MNAT1: variants seen among roughly 807,000 people sequenced by gnomAD.
The protein encoded by MNAT1 is MNAT1 component of CDK activating kinase.
A neutral mutation model predicts 42.0 loss-of-function variants in MNAT1; 43 were observed. The observed-to-expected ratio is 1.02, with a 90% confidence interval of 0.80 to 1.32. The LOEUF (loss-of-function observed/expected upper bound fraction) is 1.32. MNAT1 is among the 40% of genes most tolerant of loss of function. The probability of loss-of-function intolerance (pLI) is 0.00; values close to 1 mark genes in which losing one functional copy is unlikely to be tolerated. For synonymous variants in MNAT1, 118 were observed against 120.0 expected, an observed-to-expected ratio of 0.98 and a Z score of 0.11; for missense variants, 306 against 350.4, an observed-to-expected ratio of 0.87 and a Z score of 1.01.
intron 7 of MNAT1, among the ~76,000 whole-genome samples, chr14:60,896,644 C>G (rs2034962212): frequency 6.6e-6 from 1 of 152,054 alleles, no homozygotes; most frequent in South Asian, 2.1e-4. Context: ...CACCACCATG[C>G]CTGTCTAATT....
chr14:60,798,730 T>G (rs1180698120), intron 3 of MNAT1, among the ~76,000 whole-genome samples: 1 of 152,190 alleles, frequency 6.6e-6, no homozygotes, highest in African/African-American at 2.4e-5. Context: ...ATTTCAGTTT[T>G]CTTAAATAAA....
chr14:60,867,041 T>G (rs2034217819), intron 6 of MNAT1, among the ~76,000 whole-genome samples: 1 of 152,100 alleles, frequency 6.6e-6, no homozygotes, highest in Middle Eastern at 3.2e-3. Flanking sequence ...TTCACTGTAG[T>G]AAACAGATTT....
chr14:60,929,160 A>T (rs1361797943), intron 7 of MNAT1, among the ~76,000 whole-genome samples: 20 of 128,436 alleles, frequency 1.6e-4, no homozygotes, highest in South Asian at 4.8e-4. Flanking sequence ...AAAAAAAAAA[A>T]AAAAAAAAAA....
At chr14:60,841,694 G>C (rs1286270260) in intron 6 of MNAT1, among the ~76,000 whole-genome samples, 1 of 151,772 alleles carries the variant, frequency 6.6e-6, no homozygotes, top group African/African-American at 2.4e-5. Flanking sequence ...GGTAATTTTT[G>C]GTATTCCATT....
intron 7 of MNAT1, among the ~76,000 whole-genome samples, chr14:60,958,263 C>T (rs912321275): frequency 6.6e-6 from 1 of 152,186 alleles, no homozygotes; most frequent in Admixed American, 6.5e-5. Flanking sequence ...AAGTCTTTGT[C>T]CCTCATTGGT....
At chr14:60,772,877 G>A (rs1026539387) in intron 1 of MNAT1, among the ~76,000 whole-genome samples, 3 of 151,090 alleles carry the variant, frequency 2.0e-5, no homozygotes, top group Admixed American at 2.0e-4. Flanking sequence ...GGAAGGCAAA[G>A]TCCAAGAGCT....
At chr14:60,765,613 C>T (rs1190947380) in intron 1 of MNAT1, among the ~76,000 whole-genome samples, 1 of 152,116 alleles carries the variant, frequency 6.6e-6, no homozygotes, top group Non-Finnish European at 1.5e-5. Flanking sequence ...AGCTGTATAA[C>T]ACACACAAAA....
At position 60,877,551 on chromosome 14, in the gene MNAT1, G is replaced by A. The variant is rs569704175; in HGVS notation, c.688-2163G>A. 2.0e-5 allele frequency among the ~76,000 whole-genome samples: 3 copies of A among 151,988 alleles called. No homozygotes were observed. In the East Asian group the frequency reaches 5.8e-4, roughly 29 times the overall value. On this transcript the variant is annotated intron_variant, in intron 6 of 7. Transcript: ENST00000261245. Reference sequence around the variant, plus strand: ...GGGAAAAAGGAAACTAAGGGATGTAGCAACAAAAAAATTTATAAACTAGAA... The same window carrying A: ...GGGAAAAAGGAAACTAAGGGATGTAACAACAAAAAAATTTATAAACTAGAA...
intron 7 of MNAT1, among the ~76,000 whole-genome samples, chr14:60,913,600 C>T (rs1020035184): frequency 2.0e-5 from 3 of 152,052 alleles, no homozygotes; most frequent in Non-Finnish European, 4.4e-5. Context: ...CACTCCAGAC[C>T]CGGTTTGCCT....
At chr14:60,818,696 T>G (rs748746521) in intron 5 of MNAT1, 26 bp from the exon 6 acceptor site, 2 of 1,515,500 alleles carry the variant, frequency 1.3e-6, no homozygotes, top group Non-Finnish European at 1.8e-6. Flanking sequence ...TTTACATTTC[T>G]TATTGAACTT....
intron 7 of MNAT1, among the ~76,000 whole-genome samples, chr14:60,890,439 T>C (rs2034811831): frequency 6.6e-6 from 1 of 152,196 alleles, no homozygotes; most frequent in Non-Finnish European, 1.5e-5. Flanking sequence ...GGGACAGAAC[T>C]AATAGATAGA....
At chr14:60,819,572 A>G (rs1279511692) in intron 6 of MNAT1, among the ~76,000 whole-genome samples, 1 of 152,152 alleles carries the variant, frequency 6.6e-6, no homozygotes, top group Non-Finnish European at 1.5e-5. Context: ...GAGGTGATGG[A>G]TATCTCAATT....
At chr14:60,818,665 T>G in intron 5 of MNAT1, 57 bp from the exon 6 acceptor site, 1 of 1,430,042 alleles carries the variant, frequency 7.0e-7, no homozygotes, top group Non-Finnish European at 9.4e-7. Context: ...ATAAAAGTCT[T>G]GTTGTTTTTA....
chr14:60,852,411 A>G (rs1011353428), intron 6 of MNAT1, among the ~76,000 whole-genome samples: 1 of 151,828 alleles, frequency 6.6e-6, no homozygotes. Context: ...TTTCTTGTAA[A>G]TTTGTTTAAG....
At chr14:60,813,289 T>C (rs1004325644) in intron 5 of MNAT1, among the ~76,000 whole-genome samples, 4 of 152,178 alleles carry the variant, frequency 2.6e-5, no homozygotes, top group African/African-American at 2.4e-5. Flanking sequence ...TATTGGTGCT[T>C]GGAGCAGCTG....
chr14:60,902,325 A>T (rs1945194394), intron 7 of MNAT1, among the ~76,000 whole-genome samples: 1 of 152,186 alleles, frequency 6.6e-6, no homozygotes, highest in African/African-American at 2.4e-5. Flanking sequence ...GGTCCTATTT[A>T]TACCCAAGGA....
chr14:60,928,867 C>G (rs1488608896), intron 7 of MNAT1, among the ~76,000 whole-genome samples: 1 of 151,474 alleles, frequency 6.6e-6, no homozygotes, highest in East Asian at 1.9e-4. Context: ...TGTGGCTGGG[C>G]ACAGTGGCTC....
chr14:60,836,032 T>C (rs1384631337), intron 6 of MNAT1, among the ~76,000 whole-genome samples: 1 of 152,226 alleles, frequency 6.6e-6, no homozygotes, highest in Non-Finnish European at 1.5e-5. Context: ...GATTTGGTTA[T>C]TGATACTTTT....
intron 6 of MNAT1, among the ~76,000 whole-genome samples, chr14:60,856,355 C>T (rs2033958511): frequency 6.6e-6 from 1 of 152,080 alleles, no homozygotes; most frequent in Non-Finnish European, 1.5e-5. Context: ...AAGTCTAATC[C>T]AGGTTGTAAT....
Sources: gnomAD v4.1 joint callset for allele counts (sites outside exome capture counted in the v4.1 genomes callset) on GRCh38, gnomAD v4.1.1 for gene constraint, MANE v1.5 for transcripts, NCBI Gene and HGNC (gene_info 2026-07-23, HGNC 2026-07-21) for gene names.